The following HGD variants were observed in gnomAD, a reference collection of about 807,000 sequenced individuals.
The protein encoded by HGD is homogentisate oxidase.
HGD carries 61 observed loss-of-function variants against 60.8 expected under a neutral mutation model. That is an observed-to-expected ratio of 1.00 (90% confidence interval 0.82 to 1.24). HGD has a LOEUF of 1.24. HGD is among the 50% of genes most tolerant of loss of function. HGD has a pLI of 0.00. For missense variants in HGD, 542 were observed against 547.1 expected, an observed-to-expected ratio of 0.99 and a Z score of 0.09; for synonymous variants, 212 against 187.7, an observed-to-expected ratio of 1.13 and a Z score of -1.06.
chr3:120,680,667 C>T (rs548647563), intron 1 of HGD, among the ~76,000 whole-genome samples: 15 of 152,316 alleles, frequency 9.8e-5, no homozygotes, highest in Admixed American at 9.8e-4. Flanking sequence ...GTTCTATTCC[C>T]CTAGCCCTGC....
intron 4 of HGD, among the ~76,000 whole-genome samples, chr3:120,663,453 G>A (rs886202346): frequency 2.0e-5 from 3 of 152,196 alleles, no homozygotes; most frequent in Admixed American, 6.5e-5. Context: ...CATTTGGGTG[G>A]CAGCAGGCAA....
At chr3:120,648,786 A>C (rs1941242564) in intron 6 of HGD, among the ~76,000 whole-genome samples, 1 of 152,230 alleles carries the variant, frequency 6.6e-6, no homozygotes, top group African/African-American at 2.4e-5. Context: ...GGGCTGGGTC[A>C]TGGGTCACTG....
At chr3:120,679,497 T>G (rs993961083) in intron 1 of HGD, among the ~76,000 whole-genome samples, 8 of 152,222 alleles carry the variant, frequency 5.3e-5, no homozygotes, top group Non-Finnish European at 1.2e-4. Context: ...TATGTATGGC[T>G]TAACCCCTGA....
At chr3:120,654,381 C>T (rs985226912) in intron 4 of HGD, among the ~76,000 whole-genome samples, 1 of 152,120 alleles carries the variant, frequency 6.6e-6, no homozygotes, top group Non-Finnish European at 1.5e-5. Context: ...AGGTAGGGCC[C>T]AGACATCGGT....
chr3:120,644,034 G>C (rs1055057306), intron 10 of HGD, among the ~76,000 whole-genome samples: 10 of 152,094 alleles, frequency 6.6e-5, no homozygotes, highest in Non-Finnish European at 1.0e-4. Context: ...TATTTTCATT[G>C]CTTGGTGAGT....
chr3:120,650,941 G>C (rs1941324214), intron 5 of HGD, 76 bp from the exon 6 acceptor site: 5 of 1,079,114 alleles, frequency 4.6e-6, no homozygotes, highest in Non-Finnish European at 7.2e-6. Context: ...TGGTCCCTGA[G>C]GGTCATGAGG....
intron 10 of HGD, among the ~76,000 whole-genome samples, chr3:120,642,062 G>A (rs1360926632): frequency 6.6e-6 from 1 of 152,194 alleles, no homozygotes; most frequent in Non-Finnish European, 1.5e-5. Context: ...GGAACAGAGA[G>A]TACCTGCTGT....
At chr3:120,646,766 C>T (rs1941177984) in intron 8 of HGD, among the ~76,000 whole-genome samples, 1 of 152,042 alleles carries the variant, frequency 6.6e-6, no homozygotes, top group African/African-American at 2.4e-5. Flanking sequence ...GTGGTCTTTC[C>T]TTTAGAATTA....
chr3:120,636,598 G>A (rs985137267), intron 12 of HGD, among the ~76,000 whole-genome samples: 1 of 152,198 alleles, frequency 6.6e-6, no homozygotes, highest in African/African-American at 2.4e-5. Context: ...TCCAGGAGGA[G>A]AAAAGTTAGA....
chr3:120,681,749 C>T (rs1464094208), intron 1 of HGD, among the ~76,000 whole-genome samples: 1 of 152,118 alleles, frequency 6.6e-6, no homozygotes. Flanking sequence ...CATGAGGCTG[C>T]AGCAATGGGA....
At position 120,652,591 on chromosome 3, in the gene HGD, C is replaced by T. The variant is rs397515518; in HGVS notation, c.342+1G>A. The stretch of plus-strand genomic sequence containing the variant: ...GGAGGGTGTGGATGGGACTGACTTA[C>T]ACTCACAAAGTCTACTTTCTTCTGA... On this transcript the variant is annotated splice_donor_variant, in intron 5 of 13. Coordinates refer to ENST00000283871, the MANE Select transcript of HGD (RefSeq NM_000187.4). LOFTEE classifies it high-confidence loss of function. 6 of 1,610,356 alleles carry T rather than the reference C, an allele frequency of 3.7e-6. No homozygotes were observed. Among genetic ancestry groups the T allele is most frequent in the Admixed American group, 1.7e-5 (1 of 59,986 alleles).
At chr3:120,633,443 T>C (rs1405035177) in intron 12 of HGD, 115 bp from the exon 13 acceptor site, 12 of 1,587,664 alleles carry the variant, frequency 7.6e-6, no homozygotes, top group Non-Finnish European at 1.0e-5. Flanking sequence ...ACTAGTAAAT[T>C]GTATAGGATT....
At chr3:120,631,883 A>G (rs1000774346) in intron 13 of HGD, among the ~76,000 whole-genome samples, 5 of 152,186 alleles carry the variant, frequency 3.3e-5, no homozygotes, top group Admixed American at 3.3e-4. Flanking sequence ...CCTCATAGAA[A>G]CAGCCCTGTC....
intron 6 of HGD, among the ~76,000 whole-genome samples, chr3:120,649,120 T>C (rs940570058): frequency 2.7e-5 from 4 of 150,560 alleles, no homozygotes; most frequent in African/African-American, 4.8e-5. Flanking sequence ...GATTTCTCCA[T>C]TGTCTTTTTC....
At chr3:120,647,084 A>G (rs1941190094) in intron 7 of HGD, 32 bp from the exon 8 acceptor site, 2 of 1,548,800 alleles carry the variant, frequency 1.3e-6, no homozygotes, top group Admixed American at 3.3e-5. Context: ...GTGGTGAGCA[A>G]TTCTTTTGGT....
In HGD at chr3:120,675,787, C is replaced by G. The variant is rs762685821; in HGVS notation, c.87+5G>C. The G allele has an allele frequency of 6.2e-7, 1 of 1,611,086 alleles. No individual in the cohort carries two copies. Reference sequence around the variant, plus strand: ...AGCTCTTCTAAGCACTTTATTTGCTCATACCTGTCCTTCTGGCAGGGAACC... The same window carrying G: ...AGCTCTTCTAAGCACTTTATTTGCTGATACCTGTCCTTCTGGCAGGGAACC... On this transcript the variant is annotated splice_donor_5th_base_variant and intron_variant, in intron 2 of 13. Coordinates refer to ENST00000283871, the MANE Select transcript of HGD (RefSeq NM_000187.4).
chr3:120,662,520 G>A (rs1008866817), intron 4 of HGD, among the ~76,000 whole-genome samples: 5 of 152,210 alleles, frequency 3.3e-5, no homozygotes, highest in Non-Finnish European at 7.4e-5. Context: ...GATCTCTGGG[G>A]AGCAAGACTG....
chr3:120,649,214 T>C (rs1317879336), intron 6 of HGD, among the ~76,000 whole-genome samples: 2 of 148,002 alleles, frequency 1.4e-5, no homozygotes, highest in Non-Finnish European at 3.0e-5. Context: ...ATGATCTCGG[T>C]TCACTGCAAC....
Position 120,652,646 on chromosome 3 carries a change from T to A in HGD, c.288A>T (p.Arg96Ser). The A allele has an allele frequency of 6.2e-7, 1 of 1,611,796 alleles. No individual in the cohort carries two copies. Among genetic ancestry groups the A allele is most frequent in the Non-Finnish European group, 8.5e-7 (1 of 1,178,174 alleles). The change falls in exon 5 of 14, where the codon AGA becomes AGT. Residue 96 changes from arginine (R) to serine (S), a missense_variant. Physicochemically the swap from Arg to Ser is moderately radical, Grantham distance 110 (BLOSUM62 -1). Transcript: ENST00000283871. ...CTTTTGGAATCTCAAATGGTTTCCA[T>A]CTAAGCTGGAAAAAAAATACACATA... ...DEVDPDPNQL[R>S]WKPFEIPKAS...
Sources: allele counts gnomAD v4.1 joint callset (sites outside exome capture counted in the v4.1 genomes callset), GRCh38; gene constraint gnomAD v4.1.1; transcripts MANE v1.5; gene names NCBI Gene and HGNC (gene_info 2026-07-23, HGNC 2026-07-21).